The following EPHA6 variants were observed in gnomAD, a reference collection of about 807,000 sequenced individuals.
EPHA6 encodes ephrin type-A receptor 6.
Under a neutral mutation model 112.0 loss-of-function variants are expected in EPHA6, and 50 were observed. That is an observed-to-expected ratio of 0.45 (90% CI 0.36 to 0.56). The LOEUF (loss-of-function observed/expected upper bound fraction) is 0.56. EPHA6 is among the 20% of genes least tolerant of loss of function. EPHA6 has a pLI of 0.00. For synonymous variants in EPHA6, 529 were observed against 490.7 expected, an observed-to-expected ratio of 1.08 and a Z score of -1.03; for missense variants, 1,280 against 1,417.4, an observed-to-expected ratio of 0.90 and a Z score of 1.56.
At chr3:96,836,989 C>G (rs187296559) in intron 1 of EPHA6, among the ~76,000 whole-genome samples, 1 of 151,980 alleles carries the variant, frequency 6.6e-6, no homozygotes, top group South Asian at 2.1e-4. Context: ...GTAACTTACC[C>G]GAAAACACTC....
chr3:97,326,487 A>G (rs975713540), intron 5 of EPHA6, among the ~76,000 whole-genome samples: 1 of 152,000 alleles, frequency 6.6e-6, no homozygotes, highest in Non-Finnish European at 1.5e-5. Flanking sequence ...AAAATAACCT[A>G]AGCAGGAAGA....
At chr3:97,363,318 CCTAA>C (rs1196905978) in intron 5 of EPHA6, among the ~76,000 whole-genome samples, 35 of 145,702 alleles carry the variant, frequency 2.4e-4, no homozygotes, top group African/African-American at 6.5e-4. Flanking sequence ...TTTCTAAAAT[CCTAA>C]CTAAGTTTTA....
intron 2 of EPHA6, among the ~76,000 whole-genome samples, chr3:96,924,963 AT>A (rs912222902): frequency 2.0e-5 from 3 of 152,108 alleles, no homozygotes; most frequent in Non-Finnish European, 4.4e-5. Flanking sequence ...TGATTTGCAT[AT>A]GTTGAAACAA....
At position 97,721,701 on chromosome 3, in the gene EPHA6, T is replaced by A. The variant is rs1395919467; in HGVS notation, c.2934+1291T>A. Among the ~76,000 whole-genome samples, 3 of 152,196 alleles carry A rather than the reference T, an allele frequency of 2.0e-5. No individual in the cohort carries two copies. The East Asian group carries it at 5.8e-4, about 29-fold the overall frequency. ...CCCCGCAACACTTAGACTTTTTGGA[T>A]CTGGGCCATTTGCCTACAGTCTGCT... On this transcript the variant is annotated intron_variant, in intron 15 of 17. Coordinates refer to ENST00000389672, the MANE Select transcript of EPHA6 (RefSeq NM_001080448.3).
At chr3:97,432,507 G>T (rs1264866459) in intron 6 of EPHA6, among the ~76,000 whole-genome samples, 1 of 152,098 alleles carries the variant, frequency 6.6e-6, no homozygotes, top group South Asian at 2.1e-4. Flanking sequence ...AAGATGAAAG[G>T]CTTATGTTCA....
chr3:97,419,976 T>C (rs978924620), intron 6 of EPHA6, among the ~76,000 whole-genome samples: 2 of 152,042 alleles, frequency 1.3e-5, no homozygotes, highest in Non-Finnish European at 2.9e-5. Context: ...AAAAAATGGG[T>C]TGTATTACCA....
intron 1 of EPHA6, among the ~76,000 whole-genome samples, chr3:96,863,816 A>C (rs1295552825): frequency 6.6e-6 from 1 of 152,056 alleles, no homozygotes; most frequent in African/African-American, 2.4e-5. Context: ...ATAGCTGTTG[A>C]TAGATTTCAA....
chr3:97,610,726 T>G, intron 12 of EPHA6, 67 bp from the exon 13 acceptor site: 1 of 1,238,616 alleles, frequency 8.1e-7, no homozygotes, highest in Non-Finnish European at 1.2e-6. Context: ...CAGCTGGGTA[T>G]CTCTTAACTG....
intron 11 of EPHA6, among the ~76,000 whole-genome samples, chr3:97,534,187 G>A (rs1560108221): frequency 6.6e-6 from 1 of 152,028 alleles, no homozygotes; most frequent in Admixed American, 6.6e-5. Flanking sequence ...AATTAAATTT[G>A]TCAATGTGTA....
At chr3:97,617,364 A>T (rs1200336399) in intron 13 of EPHA6, among the ~76,000 whole-genome samples, 3 of 152,128 alleles carry the variant, frequency 2.0e-5, no homozygotes, top group African/African-American at 7.2e-5. Context: ...AATTAACCAC[A>T]TAAACAAGTC....
intron 11 of EPHA6, among the ~76,000 whole-genome samples, chr3:97,543,963 G>A (rs2092907166): frequency 6.6e-6 from 1 of 152,232 alleles, no homozygotes; most frequent in Admixed American, 6.5e-5. Context: ...CTTTGCTGAA[G>A]TTGCTTATCA....
chr3:97,155,824 C>T (rs1576586209), intron 3 of EPHA6, among the ~76,000 whole-genome samples: 2 of 152,136 alleles, frequency 1.3e-5, no homozygotes. Context: ...CCACACATAT[C>T]CTTTTCAAAC....
chr3:97,364,563 A>C (rs1051269782), intron 5 of EPHA6, among the ~76,000 whole-genome samples: 1 of 152,066 alleles, frequency 6.6e-6, no homozygotes, highest in East Asian at 1.9e-4. Flanking sequence ...ATGTTTTAAA[A>C]GAGTATGCAA....
rs1490914375 is a variant in EPHA6, at chr3:96,953,742, T to C, written c.451-33588T>C. Among the ~76,000 whole-genome samples the C allele has an allele frequency of 3.9e-5, 6 of 152,194 alleles. No individual in the cohort carries two copies. In the South Asian group the frequency reaches 8.3e-4, roughly 21 times the overall value. ...TATGCTGATCTATCCATGTTTGACA[T>C]TCCTTCTTTCTCTTATACCCCATAT... On this transcript the variant is annotated intron_variant, in intron 2 of 17. Coordinates refer to ENST00000389672, the MANE Select transcript of EPHA6 (RefSeq NM_001080448.3).
chr3:96,878,202 C>A (rs936023853), intron 2 of EPHA6, among the ~76,000 whole-genome samples: 20 of 151,846 alleles, frequency 1.3e-4, no homozygotes, highest in Non-Finnish European at 2.6e-4. Context: ...TGTATTCTTT[C>A]TGTTGATAAG....
intron 13 of EPHA6, among the ~76,000 whole-genome samples, chr3:97,631,399 A>G (rs1031936557): frequency 6.6e-6 from 1 of 151,994 alleles, no homozygotes; most frequent in Non-Finnish European, 1.5e-5. Flanking sequence ...CCATCTAGTA[A>G]GGTAAATGTC....
At chr3:97,219,012 A>T (rs1004092758) in intron 3 of EPHA6, among the ~76,000 whole-genome samples, 5 of 152,174 alleles carry the variant, frequency 3.3e-5, no homozygotes, top group African/African-American at 4.8e-5. Flanking sequence ...TTCAAGCTGC[A>T]GAATGATCTC....
At chr3:96,888,007 A>G (rs1489906526) in intron 2 of EPHA6, among the ~76,000 whole-genome samples, 2 of 151,988 alleles carry the variant, frequency 1.3e-5, no homozygotes, top group Non-Finnish European at 2.9e-5. Context: ...AACCTGCCCC[A>G]GGCTACCCAC....
intron 3 of EPHA6, among the ~76,000 whole-genome samples, chr3:97,162,994 C>T (rs1016995617): frequency 2.6e-5 from 4 of 152,236 alleles, no homozygotes; most frequent in African/African-American, 7.2e-5. Flanking sequence ...TGTATCAGCC[C>T]CTGCTGCCCT....
Sources: gnomAD v4.1 joint callset for allele counts (sites outside exome capture counted in the v4.1 genomes callset) on GRCh38, gnomAD v4.1.1 for gene constraint, MANE v1.5 for transcripts, NCBI Gene and HGNC (gene_info 2026-07-23, HGNC 2026-07-21) for gene names.